Variants in HIRA observed in about 807,000 individuals in gnomAD.
HIRA encodes the protein histone cell cycle regulator.
Under a neutral mutation model 126.6 loss-of-function variants are expected in HIRA, and 13 were observed. The observed-to-expected ratio is 0.10, with a 90% CI of 0.07 to 0.16. The LOEUF (loss-of-function observed/expected upper bound fraction) is 0.16. Among genes scored for constraint, HIRA ranks in the 10% least tolerant of loss-of-function variants. The pLI, the probability that HIRA is intolerant of heterozygous loss-of-function variation, is 1.00. For missense variants in HIRA, 834 were observed against 1,314.4 expected (o/e 0.63, Z 5.65); for synonymous variants, 511 against 520.0 (o/e 0.98, Z 0.24).
chr22:19,404,105 C>T (rs974926836), intron 5 of HIRA, among the ~76,000 whole-genome samples: 1 of 152,092 alleles, frequency 6.6e-6, no homozygotes, highest in Non-Finnish European at 1.5e-5. Flanking sequence ...TTCCCAACCC[C>T]CAATTAAATA....
At chr22:19,390,034 T>C (rs1412156483) in intron 9 of HIRA, among the ~76,000 whole-genome samples, 1 of 151,830 alleles carries the variant, frequency 6.6e-6, no homozygotes, top group East Asian at 1.9e-4. Flanking sequence ...CTTTGCTTTA[T>C]CAAACTTTAA....
chr22:19,378,252 G>T (rs2089037684), intron 13 of HIRA, among the ~76,000 whole-genome samples, 186 bp from the exon 14 acceptor site: 1 of 152,166 alleles, frequency 6.6e-6, no homozygotes, highest in Admixed American at 6.5e-5. Flanking sequence ...TTGAATCTAG[G>T]ATTTACAGGT....
At chr22:19,367,830 G>C (rs534470646) in intron 15 of HIRA, among the ~76,000 whole-genome samples, 63 of 152,240 alleles carry the variant, frequency 4.1e-4, no homozygotes, top group African/African-American at 1.5e-3. Flanking sequence ...AAATATTTTT[G>C]ATCCATAGTT....
At chr22:19,407,392 C>CATCTA in intron 3 of HIRA, 118 bp from the exon 4 acceptor site, 1 of 768,804 alleles carries the variant, frequency 1.3e-6, no homozygotes, top group South Asian at 1.6e-5. Context: ...CTATTTAAGG[C>CATCTA]ATCTACTGTG....
chr22:19,387,943 TGTGG>T, intron 10 of HIRA, 127 bp from the exon 11 acceptor site: 1 of 86,510 alleles, frequency 1.2e-5, no homozygotes, highest in South Asian at 1.6e-4. Flanking sequence ...GGTTCCCTTC[TGTGG>T]CCTGGTTCCC....
rs368223691 is a variant in HIRA at position 19,331,434 on chromosome 22, G to A, written c.*6C>T. On this transcript the variant is annotated 3_prime_UTR_variant, in exon 25 of 25. Coordinates refer to ENST00000263208, the MANE Select transcript of HIRA (RefSeq NM_003325.4). ...CCTTGCTGCAGCCAGGGCAGGCTGG[G>A]GCAGGCTACTTGTCCCTCAGGATGT... 18 of 1,613,884 alleles carry A rather than the reference G, an allele frequency of 1.1e-5. No homozygotes were observed. The highest frequency in any genetic ancestry group is 3.3e-5 in the South Asian group (3 of 91,088).
chr22:19,366,824 A>G (rs924015679), intron 15 of HIRA, among the ~76,000 whole-genome samples: 2 of 152,176 alleles, frequency 1.3e-5, no homozygotes, highest in Non-Finnish European at 2.9e-5. Context: ...ACAGTGGCAC[A>G]ATCTCAGCTC....
chr22:19,391,116 T>C (rs1181231279), intron 9 of HIRA, among the ~76,000 whole-genome samples: 1 of 152,182 alleles, frequency 6.6e-6, no homozygotes, highest in Non-Finnish European at 1.5e-5. Flanking sequence ...GGAGACTGTA[T>C]AAACAAATTG....
At position 19,374,058 on chromosome 22, in the gene HIRA, C is replaced by T. The variant is rs551006791; in HGVS notation, c.1775+1573G>A. On this transcript the variant is annotated intron_variant, in intron 15 of 24. Coordinates refer to ENST00000263208, the MANE Select transcript of HIRA (RefSeq NM_003325.4). ...AGTATTTAGAAGCATGGAGACCGCG[C>T]GCGGTGGCTCACGCCTGTAATCCCA... Among the ~76,000 whole-genome samples, 20 of 152,088 alleles carry T rather than the reference C, an allele frequency of 1.3e-4. No individual in the cohort carries two copies. The South Asian group carries it at 3.3e-3, about 25-fold the overall frequency.
chr22:19,342,667 C>A (rs1253805115), intron 24 of HIRA, among the ~76,000 whole-genome samples: 1 of 152,176 alleles, frequency 6.6e-6, no homozygotes, highest in African/African-American at 2.4e-5. Flanking sequence ...GGATTACAGG[C>A]ATGAGCCACT....
intron 7 of HIRA, among the ~76,000 whole-genome samples, chr22:19,395,470 G>A (rs1376844835): frequency 1.3e-5 from 2 of 152,176 alleles, no homozygotes; most frequent in Non-Finnish European, 2.9e-5. Context: ...GGCAGTCAGA[G>A]CCCTGAGGAA....
At chr22:19,356,136 G>A in intron 20 of HIRA, 94 bp downstream of exon 20, 3 of 1,211,812 alleles carry the variant, frequency 2.5e-6, no homozygotes, top group Non-Finnish European at 3.7e-6. Flanking sequence ...CTGGGCTGAG[G>A]CCAGAGCCTG....
intron 5 of HIRA, among the ~76,000 whole-genome samples, chr22:19,398,748 G>A (rs1040256036): frequency 5.9e-5 from 9 of 152,188 alleles, no homozygotes; most frequent in Admixed American, 5.9e-4. Context: ...AGGCTGAGGT[G>A]GGCAGATCGC....
rs1478970343 is a variant in HIRA, at chr22:19,331,169, C to T, written c.*271G>A. On this transcript the variant is annotated 3_prime_UTR_variant, in exon 25 of 25. Transcript: ENST00000263208. ...AGACGGCAGGCCTGGGACTGCCTTG[C>T]TGGCCCCAGGGCACCTGGGCAGAGC... 7.2e-6 allele frequency: 10 copies of T among 1,381,644 alleles called. No individual in the cohort carries two copies. The African/African-American group carries it at 8.7e-5, about 12-fold the overall frequency. The allele number at this position is 1,381,644 out of a possible 1,614,324, so 85.6% of individuals were successfully genotyped here. A position where few individuals can be genotyped will look rare whatever the true frequency, so the allele number is the denominator to read the frequency against.
chr22:19,353,359 C>G lies in HIRA; in HGVS notation c.2845G>C (p.Glu949Gln). 6.2e-7 allele frequency: 1 copy of G among 1,612,650 alleles called. No individual in the cohort carries two copies. The highest frequency in any genetic ancestry group is 2.2e-5 in the East Asian group (1 of 44,872). ...TCAGGGCTGCCAGGAGCCTCACCTT[C>G]GTTTACGAGGTACCGTGCGTAGACG... is the stretch of plus-strand genomic sequence containing the variant. ...LLVYARYLVN[E>Q]GFEYRLREIC... The change falls in exon 23 of 25, where the codon GAA (glutamate) becomes CAA (glutamine). Residue 949 changes from glutamate (E) to glutamine (Q), a missense_variant. Physicochemically the swap from Glu to Gln is conservative, Grantham distance 29 (BLOSUM62 2). Around this residue, in one of 5 missense-constraint regions of HIRA, gnomAD observed 58 missense variants for 114.5 expected, o/e 0.51. Transcript: ENST00000263208.
chr22:19,377,086 C>G (rs951703702), intron 14 of HIRA, among the ~76,000 whole-genome samples: 15 of 152,332 alleles, frequency 9.8e-5, no homozygotes, highest in Middle Eastern at 3.4e-3. Flanking sequence ...CAGGCCTCAT[C>G]CCCTGGTAGG....
At chr22:19,408,428 TA>T in intron 3 of HIRA, 54 bp downstream of exon 3, 1 of 1,129,426 alleles carries the variant, frequency 8.9e-7, no homozygotes, top group Non-Finnish European at 1.4e-6. Context: ...ACACATGTGC[TA>T]ACCTTGGGCA....
intron 1 of HIRA, among the ~76,000 whole-genome samples, chr22:19,422,169 T>TACACACACACACAC (rs762601560): frequency 0.06 from 6,609 of 109,632 alleles, 177 homozygotes; most frequent in Middle Eastern, 0.13. Context: ...TGTGTTTATA[T>TACACACACACACAC]ATACACACAC....
chr22:19,373,289 T>C (rs1166837965), intron 15 of HIRA, among the ~76,000 whole-genome samples: 1 of 152,238 alleles, frequency 6.6e-6, no homozygotes. Context: ...TTGTTCCAAT[T>C]TTGTTTTAGC....
Sources: allele counts gnomAD v4.1 joint callset (sites outside exome capture counted in the v4.1 genomes callset), GRCh38; gene constraint gnomAD v4.1.1; regional missense constraint gnomAD v4.1.1; transcripts MANE v1.5; gene names NCBI Gene and HGNC (gene_info 2026-07-23, HGNC 2026-07-21).